Variants in FAM135B observed in about 807,000 individuals in gnomAD.
FAM135B encodes protein FAM135B.
In FAM135B, 43 loss-of-function variants were observed where a neutral mutation model predicts 127.7. The ratio of observed to expected loss-of-function variants is 0.34; its 90% CI spans 0.26 to 0.43. The LOEUF (loss-of-function observed/expected upper bound fraction) is 0.43. Among genes scored for constraint, FAM135B ranks in the 20% least tolerant of loss-of-function variants. The pLI, the probability that FAM135B is intolerant of heterozygous loss-of-function variation, is 1.00. For missense variants in FAM135B, 1,558 were observed against 1,725.6 expected (o/e 0.90, Z 1.72); for synonymous variants, 670 against 665.1 (o/e 1.01, Z -0.11).
At chr8:138,365,556 G>C (rs1476078398) in intron 2 of FAM135B, among the ~76,000 whole-genome samples, 1 of 152,060 alleles carries the variant, frequency 6.6e-6, no homozygotes, top group Non-Finnish European at 1.5e-5. Context: ...AGATAGATTA[G>C]CTTATCATCT....
At chr8:138,338,949 T>C (rs907968354) in intron 2 of FAM135B, among the ~76,000 whole-genome samples, 2 of 152,040 alleles carry the variant, frequency 1.3e-5, no homozygotes, top group African/African-American at 4.8e-5. Context: ...GATGAGTTCA[T>C]GTCCTTTGTA....
At chr8:138,276,304 TTGTCAGAGCTGCAG>T (rs1823818073) in intron 3 of FAM135B, among the ~76,000 whole-genome samples, 2 of 152,154 alleles carry the variant, frequency 1.3e-5, no homozygotes, top group Admixed American at 6.5e-5. Context: ...AATCAAATAT[TTGTCAGAGCTGCAG>T]TGTCCCCACC....
At chr8:138,471,997 T>G (rs1339515652) in intron 1 of FAM135B, among the ~76,000 whole-genome samples, 1 of 152,106 alleles carries the variant, frequency 6.6e-6, no homozygotes, top group African/African-American at 2.4e-5. Flanking sequence ...AAGAGTGAAA[T>G]GTTTCCAGTG....
intron 1 of FAM135B, among the ~76,000 whole-genome samples, chr8:138,472,512 C>T (rs1157795789): frequency 6.6e-6 from 1 of 152,132 alleles, no homozygotes; most frequent in African/African-American, 2.4e-5. Context: ...TGAAGTGGGT[C>T]TCCTGTCAGG....
At chr8:138,158,412 C>T (rs1818994085) in intron 12 of FAM135B, among the ~76,000 whole-genome samples, 1 of 152,172 alleles carries the variant, frequency 6.6e-6, no homozygotes, top group Non-Finnish European at 1.5e-5. Flanking sequence ...ATGACTAAAA[C>T]ACCAAAAGCA....
At chr8:138,461,505 GA>G in intron 1 of FAM135B, among the ~76,000 whole-genome samples, 1 of 152,280 alleles carries the variant, frequency 6.6e-6, no homozygotes, top group Non-Finnish European at 1.5e-5. Flanking sequence ...ATGACCTCAG[GA>G]TTGACATTTA....
At chr8:138,300,298 G>T (rs930719796) in intron 3 of FAM135B, among the ~76,000 whole-genome samples, 6 of 151,772 alleles carry the variant, frequency 4.0e-5, no homozygotes, top group African/African-American at 1.5e-4. Context: ...AATACTCATG[G>T]TTAAAAACGA....
At chr8:138,189,348 T>C (rs1030596168) in intron 9 of FAM135B, among the ~76,000 whole-genome samples, 1 of 152,150 alleles carries the variant, frequency 6.6e-6, no homozygotes, top group Non-Finnish European at 1.5e-5. Flanking sequence ...ACTCTTCAAT[T>C]CATTCACCAT....
At chr8:138,161,342 C>T (rs899091674) in intron 12 of FAM135B, among the ~76,000 whole-genome samples, 11 of 151,530 alleles carry the variant, frequency 7.3e-5, no homozygotes, top group Non-Finnish European at 1.5e-4. Context: ...ATCTCTTCTT[C>T]CCTTTCTTCT....
intron 1 of FAM135B, among the ~76,000 whole-genome samples, chr8:138,489,257 G>A (rs773605400): frequency 1.3e-5 from 2 of 152,166 alleles, no homozygotes; most frequent in Non-Finnish European, 2.9e-5. Flanking sequence ...TGTGTCCCCA[G>A]GCCAGTGAAC....
chr8:138,246,441 C>G (rs1821292495), intron 6 of FAM135B, among the ~76,000 whole-genome samples: 1 of 152,062 alleles, frequency 6.6e-6, no homozygotes, highest in South Asian at 2.1e-4. Context: ...CTAAAAGGGG[C>G]CAAGGTATAG....
chr8:138,176,127 T>C (rs886618106), intron 11 of FAM135B, among the ~76,000 whole-genome samples: 1 of 152,226 alleles, frequency 6.6e-6, no homozygotes, highest in African/African-American at 2.4e-5. Context: ...CTTGAACCCA[T>C]GTAATCTGAG....
Position 138,132,731 on chromosome 8 carries a change from T to A in FAM135B, c.4083A>T (p.Leu1361Phe). 6.2e-7 allele frequency: 1 copy of A among 1,614,156 alleles called. No individual in the cohort carries two copies. Among genetic ancestry groups the A allele is most frequent in the African/African-American group, 1.3e-5 (1 of 75,024 alleles). The change falls in exon 20 of 20, where the codon TTA (leucine) becomes TTT (phenylalanine). Residue 1361 changes from leucine (L) to phenylalanine (F), a missense_variant. This residue lies in a region of FAM135B where 194 missense variants were observed against 333.8 expected (regional missense o/e 0.58). Transcript: ENST00000395297. The surrounding 1 kb of genome is among the most constrained non-coding windows in gnomAD (Gnocchi z 4.5). ...GGGCGTGGAACACGTTGTGTCGGATTAAAGTGCAGTCCTTGGCTTCAACCA... is the reference window on the plus strand; with the variant it reads ...GGGCGTGGAACACGTTGTGTCGGATAAAAGTGCAGTCCTTGGCTTCAACCA... ...GPLVEAKDCT[L>F]IRHNVFHALP...
At chr8:138,198,588 C>T (rs1816854036) in intron 7 of FAM135B, among the ~76,000 whole-genome samples, 1 of 152,210 alleles carries the variant, frequency 6.6e-6, no homozygotes, top group African/African-American at 2.4e-5. Flanking sequence ...ATGCTGAAAG[C>T]ACACCTGTAA....
At chr8:138,269,866 T>G (rs1398295) in intron 3 of FAM135B, among the ~76,000 whole-genome samples, 44,260 of 152,108 alleles carry the variant, frequency 0.29, 7,916 homozygotes, top group Non-Finnish European at 0.39. Context: ...AGATTGAAGA[T>G]GACAACGATT....
chr8:138,384,196 G>A (rs1375997004), intron 1 of FAM135B, among the ~76,000 whole-genome samples: 3 of 152,164 alleles, frequency 2.0e-5, no homozygotes, highest in Admixed American at 1.3e-4. Flanking sequence ...ACTGCATGCA[G>A]GATTAGCTTG....
At chr8:138,497,342 C>A (rs1328623610), upstream of FAM135B, among the ~76,000 whole-genome samples, 2 of 150,394 alleles carry the variant, frequency 1.3e-5, no homozygotes, top group Non-Finnish European at 3.0e-5. Flanking sequence ...GCGGGCCGCC[C>A]GGCGGCCAAA....
At chr8:138,414,119 C>CATACATATATATATATATATATATATAT (rs144143600) in intron 1 of FAM135B, among the ~76,000 whole-genome samples, 1 of 124,642 alleles carries the variant, frequency 8.0e-6, no homozygotes, top group Non-Finnish European at 1.7e-5. Flanking sequence ...CACACAAATA[C>CATACATATATATATATATATATATATAT]ATATATATAT....
chr8:138,433,697 T>C (rs1045962937), intron 1 of FAM135B, among the ~76,000 whole-genome samples: 1 of 152,170 alleles, frequency 6.6e-6, no homozygotes, highest in Non-Finnish European at 1.5e-5. Flanking sequence ...CCCAAATCTC[T>C]TTGATGTTCA....
Sources: gnomAD v4.1 joint callset for allele counts (sites outside exome capture counted in the v4.1 genomes callset) on GRCh38, gnomAD v4.1.1 for gene constraint, gnomAD v4.1.1 regional missense constraint, Gnocchi (gnomAD v3.1) non-coding constraint, MANE v1.5 for transcripts, NCBI Gene and HGNC (gene_info 2026-07-23, HGNC 2026-07-21) for gene names.